ROBO2: variants seen among roughly 807,000 people sequenced by gnomAD.
ROBO2 encodes the protein roundabout homolog 2.
In ROBO2, 53 loss-of-function variants were observed where a neutral mutation model predicts 160.8. The observed-to-expected ratio is 0.33, with a 90% CI of 0.26 to 0.41. The LOEUF (loss-of-function observed/expected upper bound fraction) is 0.41, where lower values mean the gene tolerates loss of function less well. Among genes scored for constraint, ROBO2 ranks in the 10% least tolerant of loss-of-function variants. The pLI, the probability that ROBO2 is intolerant of heterozygous loss-of-function variation, is 1.00. For missense variants in ROBO2, 1,577 were observed against 1,722.4 expected, an observed-to-expected ratio of 0.92 and a Z score of 1.49; for synonymous variants, 664 against 611.7, an observed-to-expected ratio of 1.09 and a Z score of -1.26.
chr3:77,170,092 C>G (rs1021923201), intron 2 of ROBO2, among the ~76,000 whole-genome samples: 5 of 152,184 alleles, frequency 3.3e-5, no homozygotes, highest in African/African-American at 1.2e-4. Context: ...GAGCTGACAC[C>G]TGTCACCTTT....
At chr3:76,904,009 AAC>A (rs1276230792) in intron 2 of ROBO2, among the ~76,000 whole-genome samples, 1 of 152,136 alleles carries the variant, frequency 6.6e-6, no homozygotes, top group Non-Finnish European at 1.5e-5. Flanking sequence ...TTTCACTTCT[AAC>A]AGTCTCTATT....
intron 2 of ROBO2, among the ~76,000 whole-genome samples, chr3:77,468,283 C>G (rs1247830830): frequency 1.3e-5 from 2 of 152,196 alleles, no homozygotes; most frequent in Non-Finnish European, 2.9e-5. Context: ...ACTGCTGGCT[C>G]TTTAACTGCA....
chr3:77,278,679 G>C (rs1156419815), intron 2 of ROBO2, among the ~76,000 whole-genome samples: 4 of 151,932 alleles, frequency 2.6e-5, no homozygotes, highest in African/African-American at 7.2e-5. Flanking sequence ...TTAAATACTG[G>C]TTTAAATAGC....
chr3:76,803,155 C>T (rs2064357445), intron 2 of ROBO2, among the ~76,000 whole-genome samples: 1 of 152,098 alleles, frequency 6.6e-6, no homozygotes. Context: ...TATAATTTGT[C>T]TCTTACTTCA....
chr3:75,937,674 C>T (rs1947847250), intron 2 of ROBO2: 1 of 966,204 alleles, frequency 1.0e-6, no homozygotes, highest in African/African-American at 1.6e-5. Flanking sequence ...TTATGTGAGT[C>T]TTTGGTTCGA....
intron 2 of ROBO2, among the ~76,000 whole-genome samples, chr3:77,105,803 G>A (rs1013035480): frequency 1.3e-5 from 2 of 152,054 alleles, no homozygotes; most frequent in Non-Finnish European, 2.9e-5. Context: ...AAGTCATTGT[G>A]TCCTCTACTT....
chr3:77,493,627 T>C (rs1455606459), intron 5 of ROBO2, among the ~76,000 whole-genome samples: 1 of 152,168 alleles, frequency 6.6e-6, no homozygotes, highest in Non-Finnish European at 1.5e-5. Flanking sequence ...TATCCCCAGA[T>C]ACCAAGGATT....
intron 1 of ROBO2, among the ~76,000 whole-genome samples, chr3:77,059,996 C>T (rs2066136540): frequency 6.6e-6 from 1 of 152,050 alleles, no homozygotes; most frequent in Admixed American, 6.6e-5. Context: ...AAGTATGCTC[C>T]TCAGCCAAGG....
In ROBO2 at chr3:76,564,741, C is replaced by T. The variant is rs895230494; in HGVS notation, c.110-533273C>T. On this transcript the variant is annotated intron_variant, in intron 2 of 26. Coordinates refer to the ROBO2 transcript ENST00000487694. ...GGCCAGATTTCGATTTCATAGTTCA[C>T]ATTTTTCTAATGCAGGAAATTGATA... Among the ~76,000 whole-genome samples, 3 of 152,168 alleles carry T rather than the reference C, an allele frequency of 2.0e-5. No individual in the cohort carries two copies. The East Asian group carries it at 5.8e-4, about 29-fold the overall frequency.
chr3:77,285,030 C>G (rs2060487735), intron 2 of ROBO2, among the ~76,000 whole-genome samples: 2 of 152,064 alleles, frequency 1.3e-5, no homozygotes, highest in South Asian at 4.1e-4. Context: ...GGGAAAGAAG[C>G]CAGAAGCCGA....
intron 2 of ROBO2, among the ~76,000 whole-genome samples, chr3:76,957,830 CA>C (rs11298062): frequency 0.23 from 29,376 of 125,740 alleles, 2,799 homozygotes; most frequent in Non-Finnish European, 0.26. Flanking sequence ...GACTCTGTCT[CA>C]AAAAAAAAAA....
intron 2 of ROBO2, among the ~76,000 whole-genome samples, chr3:76,633,332 G>C (rs960982649): frequency 6.6e-6 from 1 of 152,162 alleles, no homozygotes; most frequent in Non-Finnish European, 1.5e-5. Context: ...AGCCATAGCT[G>C]GTAGCTGCAG....
intron 2 of ROBO2, among the ~76,000 whole-genome samples, chr3:76,311,723 C>T (rs180809724): frequency 2.2e-4 from 34 of 152,202 alleles, no homozygotes; most frequent in South Asian, 6.2e-4. Context: ...CTTCGGAAGC[C>T]GCATTATTTT....
chr3:76,381,208 A>G (rs2076605610), intron 2 of ROBO2, among the ~76,000 whole-genome samples: 1 of 152,122 alleles, frequency 6.6e-6, no homozygotes, highest in Non-Finnish European at 1.5e-5. Flanking sequence ...TAAGCAAGAG[A>G]GTGAAATTAT....
In ROBO2 at chr3:76,146,903, T is replaced by TAC. The variant is rs750245915; in HGVS notation, c.109+209317_109+209318dup. Among the ~76,000 whole-genome samples, 805 of 145,774 alleles carry TAC rather than the reference T, an allele frequency of 5.5e-3. 2 individuals are homozygous for TAC. Among genetic ancestry groups the TAC allele is most frequent in the Middle Eastern group, 0.011 (3 of 280 alleles). On this transcript the variant is annotated intron_variant, in intron 2 of 26. Coordinates refer to the ROBO2 transcript ENST00000487694. ...ACACACACACAAACACACACACACA[T>TAC]ACACACACACACACACAAACACATA...
At chr3:77,586,259 C>A (rs1021410808) in intron 16 of ROBO2, among the ~76,000 whole-genome samples, 1 of 152,148 alleles carries the variant, frequency 6.6e-6, no homozygotes, top group Middle Eastern at 3.4e-3. Flanking sequence ...TGTCATATAA[C>A]CAATTTACAT....
intron 2 of ROBO2, among the ~76,000 whole-genome samples, chr3:76,438,501 T>C (rs1004300359): frequency 6.6e-6 from 1 of 151,672 alleles, no homozygotes; most frequent in African/African-American, 2.4e-5. Flanking sequence ...AAAAATATAC[T>C]GATATTTTTC....
chr3:77,201,455 G>A (rs1223525720), intron 2 of ROBO2, among the ~76,000 whole-genome samples: 3 of 152,118 alleles, frequency 2.0e-5, no homozygotes, highest in Non-Finnish European at 4.4e-5. Flanking sequence ...TATTTTTTAA[G>A]TTATATTTAT....
At position 76,247,218 on chromosome 3, in the gene ROBO2, A is replaced by G. The variant is rs1705674787; in HGVS notation, c.109+309616A>G. Among the ~76,000 whole-genome samples the G allele has an allele frequency of 2.0e-5, 3 of 152,064 alleles. 1 individual carries two copies. In the South Asian group the frequency reaches 6.2e-4, roughly 31 times the overall value. On this transcript the variant is annotated intron_variant, in intron 2 of 26. Coordinates refer to the ROBO2 transcript ENST00000487694. ...TCAATCTGTTACCATATCCTGTTGG[A>G]TTTGACAGTAAAATCAATTGTGAGT...
Sources: allele counts gnomAD v4.1 joint callset (sites outside exome capture counted in the v4.1 genomes callset), GRCh38; gene constraint gnomAD v4.1.1; transcripts MANE v1.5; gene names NCBI Gene and HGNC (gene_info 2026-07-23, HGNC 2026-07-21).